The following BSG variants were observed in gnomAD, a reference collection of about 807,000 sequenced individuals.
The protein encoded by BSG is basigin (Ok blood group).
Under a neutral mutation model 43.1 loss-of-function variants are expected in BSG, and 37 were observed. The ratio of observed to expected loss-of-function variants is 0.86; its 90% CI spans 0.66 to 1.13. The LOEUF (loss-of-function observed/expected upper bound fraction) is 1.13. Ranked by LOEUF, BSG falls within the 50% of genes most tolerant of loss-of-function variation. BSG has a pLI of 0.00. For synonymous variants in BSG, 309 were observed against 238.7 expected, an observed-to-expected ratio of 1.29 and a Z score of -2.72; for missense variants, 599 against 554.2, an observed-to-expected ratio of 1.08 and a Z score of -0.81.
Position 572,676 on chromosome 19 carries a change from G to T in BSG, c.42G>T (p.Leu14=). ...TCGTGCTGCTGGGATTCGCGCTGCT[G>T]GGCACCCACGGAGCCTCCGGGGCTG... ...ALFVLLGFAL[L]GTHGASGAAG... The change falls in exon 1 of 9, where the codon CTG becomes CTT. Residue 14 remains leucine (L), a synonymous_variant. Coordinates refer to ENST00000333511, the MANE Select transcript of BSG (RefSeq NM_001728.4). 6.7e-7 allele frequency: 1 copy of T among 1,499,074 alleles called. No individual in the cohort carries two copies. Among genetic ancestry groups the T allele is most frequent in the East Asian group, 2.8e-5 (1 of 35,144 alleles). The allele number at this position is 1,499,074 out of a possible 1,614,324, so 92.9% of individuals were successfully genotyped here.
At chr19:578,951 C>T (rs1402702005) in intron 2 of BSG, 5 of 451,174 alleles carry the variant, frequency 1.1e-5, no homozygotes, top group Admixed American at 2.4e-5. Flanking sequence ...AGGATGGTCT[C>T]GATCTCCCGA....
intron 8 of BSG, 24 bp from the exon 9 acceptor site, chr19:582,726 C>T (rs915713004): frequency 5.8e-6 from 5 of 859,080 alleles, no homozygotes; most frequent in Middle Eastern, 3.2e-4. Flanking sequence ...TGGGTCCAGT[C>T]TGAGCGCCCC....
Position 580,411 on chromosome 19 carries a change from C to T in BSG, c.605C>T (p.Ser202Phe), listed in dbSNP as rs750148301. The T allele has an allele frequency of 5.0e-6, 8 of 1,611,278 alleles. No homozygotes were observed. Among genetic ancestry groups the T allele is most frequent in the African/African-American group, 1.3e-5 (1 of 75,020 alleles). The change falls in exon 4 of 9, where the codon TCC (serine) becomes TTC (phenylalanine). Residue 202 changes from serine to phenylalanine, a missense_variant. Ser to Phe is a radical substitution (Grantham distance 155). Coordinates refer to ENST00000333511, the MANE Select transcript of BSG (RefSeq NM_001728.4). Reference protein sequence around the residue: ...VDSDDQWGEYSCVFLPEPMGT... With the variant: ...VDSDDQWGEYFCVFLPEPMGT... ...TCCGACGACCAGTGGGGAGAGTACT[C>T]CTGCGTCTTCCTCCCCGAGCCCATG...
Position 579,673 on chromosome 19 carries a change from G to C in BSG, c.572+17G>C. On this transcript the variant is annotated intron_variant, in intron 3 of 8. Coordinates refer to ENST00000333511, the MANE Select transcript of BSG (RefSeq NM_001728.4). ...GGAGTTCAAGTGAGTGCCTGACCAC[G>C]CCATGCCGCCACCTGCCCCTTCTCA... 6.3e-7 allele frequency: 1 copy of C among 1,589,404 alleles called. No individual in the cohort carries two copies.
At chr19:571,359 TC>T (rs954969738), upstream of BSG, 4 of 603,450 alleles carry the variant, frequency 6.6e-6, no homozygotes, top group Middle Eastern at 4.4e-4. Flanking sequence ...GCATTGCGAC[TC>T]CGAGTTTAAC....
chr19:574,430 G>A (rs1256552784), intron 1 of BSG, among the ~76,000 whole-genome samples: 1 of 152,138 alleles, frequency 6.6e-6, no homozygotes, highest in Non-Finnish European at 1.5e-5. Flanking sequence ...GCGGGCGCCT[G>A]TAGTCCCAGC....
intron 3 of BSG, chr19:579,891 A>G: frequency 1.7e-6 from 1 of 602,340 alleles, no homozygotes; most frequent in South Asian, 2.3e-5. Context: ...CTTGCTCCTC[A>G]CTAGGTCCCG....
At chr19:575,722 T>C (rs1197363588) in intron 1 of BSG, among the ~76,000 whole-genome samples, 3 of 152,082 alleles carry the variant, frequency 2.0e-5, no homozygotes, top group Non-Finnish European at 4.4e-5. Context: ...AGGCTGTTTT[T>C]AGATGAAGGT....
rs530681399 is a variant in BSG at position 572,764 on chromosome 19, C to T, written c.67+63C>T. ...GGGGCCGGGAATGGAGGCCGCGGTGCCGACCCGAAGCCGACGGGAGCCTGG... is the reference window on the plus strand; with the variant it reads ...GGGGCCGGGAATGGAGGCCGCGGTGTCGACCCGAAGCCGACGGGAGCCTGG... On this transcript the variant is annotated intron_variant, in intron 1 of 8. Coordinates refer to ENST00000333511, the MANE Select transcript of BSG (RefSeq NM_001728.4). 2.9e-4 allele frequency: 390 copies of T among 1,347,308 alleles called. 2 individuals are homozygous for T. The Middle Eastern group carries it at 4.6e-3, about 16-fold the overall frequency. 83.5% of individuals were successfully genotyped at this position (1,347,308 alleles called of 1,614,324 possible). A position where few individuals can be genotyped will look rare whatever the true frequency, so the allele number is the denominator to read the frequency against.
intron 1 of BSG, among the ~76,000 whole-genome samples, chr19:574,243 A>T (rs1981557188): frequency 8.0e-6 from 1 of 125,178 alleles, no homozygotes; most frequent in Non-Finnish European, 1.6e-5. Context: ...TAACAGGGAG[A>T]CTCTGTCTTT....
Position 576,494 on chromosome 19 carries a change from G to C in BSG, c.68-1280G>C, listed in dbSNP as rs960038656. ...ATGGCACTGCCAGCCAGGCGCGGTG[G>C]CTCACGCCTGTAATCCCAGCACTTT... On this transcript the variant is annotated intron_variant, in intron 1 of 8. Coordinates refer to ENST00000333511, the MANE Select transcript of BSG (RefSeq NM_001728.4). Among the ~76,000 whole-genome samples the C allele has an allele frequency of 1.6e-4, 25 of 152,224 alleles. 1 individual carries two copies. The highest frequency in any genetic ancestry group is 5.9e-5 in the Non-Finnish European group (4 of 68,038).
At chr19:580,498 C>T in intron 4 of BSG, 37 bp downstream of exon 4, 4 of 1,608,090 alleles carry the variant, frequency 2.5e-6, no homozygotes, top group Admixed American at 1.7e-5. Context: ...GCACCACCGA[C>T]TGTCGGGAGA....
At chr19:576,873 C>T (rs776170524) in intron 1 of BSG, among the ~76,000 whole-genome samples, 3 of 152,208 alleles carry the variant, frequency 2.0e-5, no homozygotes, top group Non-Finnish European at 4.4e-5. Flanking sequence ...CCTTGGGGGC[C>T]GTGACCTGTG....
At chr19:580,595 G>A (rs1278593095) in intron 4 of BSG, 51 bp from the exon 5 acceptor site, 2 of 1,609,154 alleles carry the variant, frequency 1.2e-6, no homozygotes, top group African/African-American at 2.7e-5. Flanking sequence ...GGAGGCCGGG[G>A]ATGGGGGCGG....
chr19:572,698 G>T lies in BSG; in HGVS notation c.64G>T (p.Ala22Ser). The T allele has an allele frequency of 6.7e-7, 1 of 1,482,104 alleles. No individual in the cohort carries two copies. Among genetic ancestry groups the T allele is most frequent in the Non-Finnish European group, 9.0e-7 (1 of 1,110,828 alleles). 91.8% of individuals were successfully genotyped at this position (1,482,104 alleles called of 1,614,324 possible). Residue 22 changes from alanine (A) to serine (S), a missense_variant, in exon 1 of 9, where the codon GCT becomes TCT. Physicochemically the swap from Ala to Ser is moderately conservative, Grantham distance 99. Transcript: ENST00000333511. ...ALLGTHGASG[A>S]AGFVQAPLSQ... ...GCTGGGCACCCACGGAGCCTCCGGG[G>T]CTGGTGAGGAGCGGGTAGGGGGCGG...
intron 2 of BSG, chr19:579,277 T>G: frequency 1.5e-6 from 1 of 679,594 alleles, no homozygotes; most frequent in Non-Finnish European, 2.6e-6. Context: ...AGGGGGTGCC[T>G]TCCCGAAGGG....
In BSG at chr19:583,222, C is replaced by T. The variant is rs1269335648; in HGVS notation, c.*478C>T. The T allele has an allele frequency of 6.5e-6, 1 of 152,848 alleles. No individual in the cohort carries two copies. Among genetic ancestry groups the T allele is most frequent in the African/African-American group, 2.4e-5 (1 of 41,470 alleles). 9.5% of individuals were successfully genotyped at this position (152,848 alleles called of 1,614,324 possible). ...GACTCAGCCTCAGGGACGACTCTGA[C>T]CTCTTGGCCACAGAGGACTCACTTG... On this transcript the variant is annotated 3_prime_UTR_variant, in exon 9 of 9. Transcript: ENST00000333511.
chr19:580,122 G>A (rs142271249), intron 3 of BSG: 3 of 518,512 alleles, frequency 5.8e-6, no homozygotes, highest in Non-Finnish European at 1.0e-5. Flanking sequence ...GGTGTGGGGT[G>A]CAGAGCAGGG....
chr19:576,260 G>A (rs1294050385), intron 1 of BSG, among the ~76,000 whole-genome samples: 1 of 152,228 alleles, frequency 6.6e-6, no homozygotes, highest in African/African-American at 2.4e-5. Flanking sequence ...CCTGGGTGAG[G>A]AGGATGTGGA....
Sources: gnomAD v4.1 joint callset for allele counts (sites outside exome capture counted in the v4.1 genomes callset) on GRCh38, gnomAD v4.1.1 for gene constraint, MANE v1.5 for transcripts, NCBI Gene and HGNC (gene_info 2026-07-23, HGNC 2026-07-21) for gene names.